Variants in OPA1 observed in about 807,000 individuals in gnomAD.
The protein encoded by OPA1 is dynamin-like GTPase OPA1, mitochondrial.
A neutral mutation model predicts 152.9 loss-of-function variants in OPA1; 59 were observed. The observed-to-expected ratio is 0.39, with a 90% CI of 0.31 to 0.48. OPA1 has a LOEUF of 0.48. OPA1 is among the 20% of genes least tolerant of loss of function. The pLI is 0.96. For missense variants in OPA1, 1,008 were observed against 1,216.8 expected, an observed-to-expected ratio of 0.83 and a Z score of 2.55; for synonymous variants, 400 against 389.9, an observed-to-expected ratio of 1.03 and a Z score of -0.31.
intron 29 of OPA1, among the ~76,000 whole-genome samples, chr3:193,675,361 A>G (rs961059781): frequency 9.3e-5 from 14 of 151,168 alleles, no homozygotes; most frequent in Middle Eastern, 3.4e-3. Flanking sequence ...CACCCAATCA[A>G]GAAGAATAGA....
At position 193,694,634 on chromosome 3, in the gene OPA1, A is replaced by C. The variant is rs1462859755; in HGVS notation, c.*34A>C. Reference sequence around the variant, plus strand: ...CGTACTCATAATCAGCTCTGCATACATCTGAAGAACAAAAACATCAACGTC... The same window carrying C: ...CGTACTCATAATCAGCTCTGCATACCTCTGAAGAACAAAAACATCAACGTC... On this transcript the variant is annotated 3_prime_UTR_variant, in exon 31 of 31. Transcript: ENST00000361510. 2.0e-5 allele frequency: 3 copies of C among 152,202 alleles called. No individual in the cohort carries two copies. Among genetic ancestry groups the C allele is most frequent in the Non-Finnish European group, 4.4e-5 (3 of 68,032 alleles). The allele number at this position is 152,202 out of a possible 1,614,324, so 9.4% of individuals were successfully genotyped here.
At chr3:193,649,180 A>G (rs777306857) in intron 21 of OPA1, among the ~76,000 whole-genome samples, 1 of 152,114 alleles carries the variant, frequency 6.6e-6, no homozygotes, top group Non-Finnish European at 1.5e-5. Context: ...GTAAATATCA[A>G]CCTGTCAAAA....
At chr3:193,618,801 A>G in intron 5 of OPA1, 68 bp from the exon 6 acceptor site, 1 of 1,231,082 alleles carries the variant, frequency 8.1e-7, no homozygotes, top group Non-Finnish European at 1.2e-6. Context: ...GACTCGATGT[A>G]ATTTGAAATT....
At chr3:193,644,633 T>G (rs1484273270) in intron 16 of OPA1, among the ~76,000 whole-genome samples, 1 of 152,150 alleles carries the variant, frequency 6.6e-6, no homozygotes, top group Non-Finnish European at 1.5e-5. Context: ...CTTTTCTAGG[T>G]AGCCACCATA....
At chr3:193,683,365 T>C (rs1480332528) in intron 29 of OPA1, among the ~76,000 whole-genome samples, 1 of 151,442 alleles carries the variant, frequency 6.6e-6, no homozygotes, top group African/African-American at 2.4e-5. Context: ...ATTGTTGAAA[T>C]GGCAGTAAAG....
chr3:193,652,335 CTG>C (rs1397570015), intron 21 of OPA1, among the ~76,000 whole-genome samples: 1 of 151,724 alleles, frequency 6.6e-6, no homozygotes, highest in Non-Finnish European at 1.5e-5. Flanking sequence ...TGAGCCGAGA[CTG>C]TGCCACTGCA....
chr3:193,629,895 A>G (rs886209685), intron 7 of OPA1, among the ~76,000 whole-genome samples: 3 of 152,234 alleles, frequency 2.0e-5, no homozygotes, highest in African/African-American at 7.2e-5. Flanking sequence ...GAAGTCAGTT[A>G]GTATTTACAT....
At chr3:193,593,500 C>T in intron 1 of OPA1, 91 bp downstream of exon 1, 2 of 1,279,754 alleles carry the variant, frequency 1.6e-6, no homozygotes, top group African/African-American at 1.5e-5. Flanking sequence ...GTGCAGGTGA[C>T]TCTCAGGCCA....
At chr3:193,660,246 C>T (rs1418452933) in intron 25 of OPA1, among the ~76,000 whole-genome samples, 1 of 152,190 alleles carries the variant, frequency 6.6e-6, no homozygotes. Context: ...CACCCCTGTT[C>T]ATTCCTTTCC....
chr3:193,600,497 A>G (rs1683797574), intron 1 of OPA1, among the ~76,000 whole-genome samples: 1 of 152,200 alleles, frequency 6.6e-6, no homozygotes, highest in South Asian at 2.1e-4. Flanking sequence ...TGTTAAGAGG[A>G]CACCGTCAAA....
At chr3:193,668,122 G>A (rs939705007) in intron 29 of OPA1, among the ~76,000 whole-genome samples, 3 of 152,168 alleles carry the variant, frequency 2.0e-5, no homozygotes, top group African/African-American at 7.2e-5. Flanking sequence ...ATTAAAAACT[G>A]TGAGTTGATG....
At chr3:193,640,230 C>G (rs905698319) in intron 11 of OPA1, among the ~76,000 whole-genome samples, 3 of 152,074 alleles carry the variant, frequency 2.0e-5, no homozygotes, top group Non-Finnish European at 4.4e-5. Context: ...ATAGAGAAAA[C>G]ACAGAAGCAA....
chr3:193,603,760 G>C (rs949597266), intron 1 of OPA1, among the ~76,000 whole-genome samples: 3 of 152,146 alleles, frequency 2.0e-5, no homozygotes, highest in African/African-American at 7.2e-5. Flanking sequence ...AGCATATCCT[G>C]ACTGATATTT....
At chr3:193,676,754 G>A (rs1719075918) in intron 29 of OPA1, among the ~76,000 whole-genome samples, 1 of 152,118 alleles carries the variant, frequency 6.6e-6, no homozygotes, top group Non-Finnish European at 1.5e-5. Flanking sequence ...GCCAAGGTGG[G>A]CGGATCACAA....
Position 193,664,902 on chromosome 3 carries a change from T to C in OPA1, c.2684T>C (p.Val895Ala). The change falls in exon 27 of 31, where the codon GTT (valine) becomes GCT (alanine). Residue 895 changes from valine (V) to alanine (A), a missense_variant. By Grantham distance (64) the Val-to-Ala change is moderately conservative (BLOSUM62 0). This residue lies in a region of OPA1 where 137 missense variants were observed against 171.0 expected (regional missense o/e 0.80). Transcript: ENST00000361510. ...PSLIKDTWHQ[V>A]YRRHFLKTAL... Reference sequence around the variant, plus strand: ...TAGATTAAGGATACTTGGCATCAAGTTTATAGAAGACATTTTTTAAAAACA... The same window carrying C: ...TAGATTAAGGATACTTGGCATCAAGCTTATAGAAGACATTTTTTAAAAACA... 1.3e-6 allele frequency: 2 copies of C among 1,596,016 alleles called. No homozygotes were observed. The highest frequency in any genetic ancestry group is 1.7e-6 in the Non-Finnish European group (2 of 1,164,128).
intron 21 of OPA1, among the ~76,000 whole-genome samples, chr3:193,654,660 A>G (rs1330575845): frequency 5.9e-5 from 9 of 152,228 alleles, no homozygotes; most frequent in Non-Finnish European, 8.8e-5. Context: ...GACAGAAAGC[A>G]GTTCCAGTGG....
chr3:193,661,520 G>A (rs1238224825), intron 25 of OPA1, among the ~76,000 whole-genome samples: 1 of 152,110 alleles, frequency 6.6e-6, no homozygotes, highest in Non-Finnish European at 1.5e-5. Flanking sequence ...AATATCCCTA[G>A]GTCTCACATC....
At chr3:193,610,067 C>T (rs995585934) in intron 1 of OPA1, among the ~76,000 whole-genome samples, 4 of 152,192 alleles carry the variant, frequency 2.6e-5, no homozygotes, top group Non-Finnish European at 4.4e-5. Context: ...AGCTTTGTTC[C>T]GTTGCTGGTG....
intron 29 of OPA1, chr3:193,668,265 C>T (rs1459608611): frequency 7.9e-6 from 11 of 1,395,170 alleles, no homozygotes; most frequent in African/African-American, 1.4e-5. Context: ...TTGGTCAGTC[C>T]TCCTATACGT....
Sources: gnomAD v4.1 joint callset for allele counts (sites outside exome capture counted in the v4.1 genomes callset) on GRCh38, gnomAD v4.1.1 for gene constraint, gnomAD v4.1.1 regional missense constraint, MANE v1.5 for transcripts, NCBI Gene and HGNC (gene_info 2026-07-23, HGNC 2026-07-21) for gene names.